NXPH1: variants seen among roughly 807,000 people sequenced by gnomAD.
NXPH1 encodes neurexophilin-1.
In NXPH1, 5 loss-of-function variants were observed where a neutral mutation model predicts 23.7. The ratio of observed to expected loss-of-function variants is 0.21; its 90% confidence interval spans 0.11 to 0.44. NXPH1 has a LOEUF of 0.44. NXPH1 is among the 20% of genes least tolerant of loss of function. The pLI, the probability that NXPH1 is intolerant of heterozygous loss-of-function variation, is 0.99. For synonymous variants in NXPH1, 144 were observed against 122.2 expected (o/e 1.18, Z -1.18); for missense variants, 324 against 321.6 (o/e 1.01, Z -0.06).
intron 2 of NXPH1, among the ~76,000 whole-genome samples, chr7:8,527,795 T>C (rs1004816063): frequency 1.3e-5 from 2 of 152,212 alleles, no homozygotes; most frequent in Non-Finnish European, 2.9e-5. Flanking sequence ...GACCTAACTA[T>C]TGTAATTCAA....
At chr7:8,689,919 T>G (rs1332259784) in intron 2 of NXPH1, among the ~76,000 whole-genome samples, 1 of 152,162 alleles carries the variant, frequency 6.6e-6, no homozygotes, top group Admixed American at 6.6e-5. Context: ...ATAACTGCAC[T>G]AGGACAACAG....
intron 2 of NXPH1, among the ~76,000 whole-genome samples, chr7:8,729,726 C>G (rs1302249358): frequency 3.3e-5 from 5 of 150,988 alleles, no homozygotes; most frequent in Admixed American, 2.0e-4. Context: ...AATTTCTGTT[C>G]TTTTACATTT....
intron 2 of NXPH1, among the ~76,000 whole-genome samples, chr7:8,458,832 C>A (rs1326152067): frequency 6.6e-6 from 1 of 152,082 alleles, no homozygotes; most frequent in African/African-American, 2.4e-5. Flanking sequence ...TAAAACACTG[C>A]AAATTTAGTA....
intron 2 of NXPH1, among the ~76,000 whole-genome samples, chr7:8,570,474 A>C (rs1476529843): frequency 6.6e-6 from 1 of 152,058 alleles, no homozygotes; most frequent in Non-Finnish European, 1.5e-5. Flanking sequence ...CACAGTAATT[A>C]GTAAATAATG....
chr7:8,706,408 C>A (rs914260005), intron 2 of NXPH1, among the ~76,000 whole-genome samples: 1 of 152,180 alleles, frequency 6.6e-6, no homozygotes, highest in African/African-American at 2.4e-5. Flanking sequence ...TCCCTCAATG[C>A]ATAACTAAGC....
intron 2 of NXPH1, among the ~76,000 whole-genome samples, chr7:8,740,849 C>A (rs1780349354): frequency 6.6e-6 from 1 of 152,000 alleles, no homozygotes; most frequent in Admixed American, 6.6e-5. Flanking sequence ...ATTACCACAA[C>A]CAAGCTAATT....
At chr7:8,712,087 G>A (rs1018071580) in intron 2 of NXPH1, among the ~76,000 whole-genome samples, 1 of 152,190 alleles carries the variant, frequency 6.6e-6, no homozygotes, top group African/African-American at 2.4e-5. Context: ...AGTGGAGCTT[G>A]ATTTCACTGA....
chr7:8,444,405 C>CTT lies in NXPH1; in HGVS notation c.54+8639_54+8640insTT, dbSNP rs111376509. 3.9e-4 allele frequency among the ~76,000 whole-genome samples: 59 copies of CTT among 152,338 alleles called. 1 individual carries two copies. Among genetic ancestry groups the CTT allele is most frequent in the African/African-American group, 1.2e-3 (50 of 41,584 alleles). On this transcript the variant is annotated intron_variant, in intron 2 of 2. Coordinates refer to ENST00000405863, the MANE Select transcript of NXPH1 (RefSeq NM_152745.3). ...GGCCTTTAGCTTAAGGGCCAGCCCG[C>CTT]TAGTTTTCTAGGACTGGGTATAGGC...
intron 2 of NXPH1, among the ~76,000 whole-genome samples, chr7:8,497,397 A>C (rs1817355654): frequency 6.6e-6 from 1 of 152,204 alleles, no homozygotes; most frequent in African/African-American, 2.4e-5. Context: ...TGGCTGGGTC[A>C]AATGGTATTT....
chr7:8,519,041 T>C (rs17150271), intron 2 of NXPH1, among the ~76,000 whole-genome samples: 37,535 of 152,002 alleles, frequency 0.25, 4,730 homozygotes, highest in East Asian at 0.31. Context: ...ATGGGTAGGC[T>C]ATTGTTATTT....
intron 2 of NXPH1, among the ~76,000 whole-genome samples, chr7:8,691,478 C>CA (rs1821219970): frequency 6.6e-6 from 1 of 152,070 alleles, no homozygotes; most frequent in Non-Finnish European, 1.5e-5. Flanking sequence ...GTCACCTCTA[C>CA]AAAAACAAAT....
chr7:8,721,404 C>T lies in NXPH1; in HGVS notation c.55-29604C>T, dbSNP rs189968747. Among the ~76,000 whole-genome samples the T allele has an allele frequency of 1.0e-3, 156 of 152,160 alleles. 1 individual carries two copies. Among genetic ancestry groups the T allele is most frequent in the Non-Finnish European group, 3.7e-4 (25 of 67,988 alleles). ...AAATAAAAAAATAAAAATCTAAATA[C>T]GTTTTTGTGCAGATTTAAATTAAGA... On this transcript the variant is annotated intron_variant, in intron 2 of 2. Coordinates refer to ENST00000405863, the MANE Select transcript of NXPH1 (RefSeq NM_152745.3).
chr7:8,461,255 C>A (rs4725093), intron 2 of NXPH1, among the ~76,000 whole-genome samples: 56,486 of 151,986 alleles, frequency 0.37, 10,981 homozygotes, highest in East Asian at 0.61. Context: ...GGAAGAGATT[C>A]CAGTTGGCAC....
chr7:8,593,427 T>G (rs181003428), intron 2 of NXPH1, among the ~76,000 whole-genome samples: 3 of 152,100 alleles, frequency 2.0e-5, no homozygotes, highest in Admixed American at 2.0e-4. Context: ...GTAGAATTAG[T>G]GTCATATTTC....
intron 2 of NXPH1, among the ~76,000 whole-genome samples, chr7:8,631,534 G>A (rs561141394): frequency 6.7e-6 from 1 of 150,162 alleles, no homozygotes; most frequent in Non-Finnish European, 1.5e-5. Flanking sequence ...TCCAACAAAG[G>A]TCTAATATCC....
At chr7:8,460,542 G>A (rs1816675128) in intron 2 of NXPH1, among the ~76,000 whole-genome samples, 1 of 152,142 alleles carries the variant, frequency 6.6e-6, no homozygotes, top group Admixed American at 6.5e-5. Flanking sequence ...GTAATAGAAT[G>A]TGATCAATGG....
chr7:8,706,540 C>T (rs565291069), intron 2 of NXPH1, among the ~76,000 whole-genome samples: 3 of 152,260 alleles, frequency 2.0e-5, no homozygotes, highest in Admixed American at 6.5e-5. Context: ...AAATGTTCAA[C>T]AAAGGCACTG....
At chr7:8,632,064 T>A (rs1820140401) in intron 2 of NXPH1, among the ~76,000 whole-genome samples, 1 of 152,178 alleles carries the variant, frequency 6.6e-6, no homozygotes, top group Admixed American at 6.5e-5. Flanking sequence ...TCCTGTAAGT[T>A]CAGCTTTGAG....
At chr7:8,713,252 A>G (rs1017276673) in intron 2 of NXPH1, among the ~76,000 whole-genome samples, 1 of 152,130 alleles carries the variant, frequency 6.6e-6, no homozygotes. Context: ...GTTCTTTAGT[A>G]TATCAGTTGC....
Sources: gnomAD v4.1 joint callset for allele counts (sites outside exome capture counted in the v4.1 genomes callset) on GRCh38, gnomAD v4.1.1 for gene constraint, MANE v1.5 for transcripts, NCBI Gene and HGNC (gene_info 2026-07-23, HGNC 2026-07-21) for gene names.